Variants in L3MBTL3 observed in about 807,000 individuals in gnomAD.
L3MBTL3 encodes L3MBTL histone methyl-lysine binding protein 3, also known as lethal(3)malignant brain tumor-like protein 3.
A neutral mutation model predicts 102.3 loss-of-function variants in L3MBTL3; 27 were observed. The ratio of observed to expected loss-of-function variants is 0.26; its 90% confidence interval spans 0.19 to 0.36. The LOEUF (loss-of-function observed/expected upper bound fraction) is 0.36. Ranked by LOEUF, L3MBTL3 falls within the 10% of genes least tolerant of loss-of-function variation. L3MBTL3 has a pLI of 1.00. For missense variants in L3MBTL3, 798 were observed against 955.3 expected, an observed-to-expected ratio of 0.84 and a Z score of 2.17; for synonymous variants, 340 against 320.9, an observed-to-expected ratio of 1.06 and a Z score of -0.64.
intron 2 of L3MBTL3, among the ~76,000 whole-genome samples, chr6:130,035,635 G>T (rs548402728): frequency 6.6e-6 from 1 of 152,346 alleles, no homozygotes; most frequent in South Asian, 2.1e-4. Flanking sequence ...GACATCCACA[G>T]TGGGCAGTGG....
intron 9 of L3MBTL3, 78 bp downstream of exon 9, chr6:130,057,575 A>G (rs1346174128): frequency 4.0e-5 from 48 of 1,187,324 alleles, no homozygotes; most frequent in Non-Finnish European, 5.5e-5. Context: ...TGTTGTTTCC[A>G]CTGAAATTTG....
At position 130,094,367 on chromosome 6, in the gene L3MBTL3, G is replaced by A. The variant is rs1296161086; in HGVS notation, c.1736G>A (p.Ser579Asn). 6.2e-7 allele frequency: 1 copy of A among 1,610,392 alleles called. No individual in the cohort carries two copies. Among genetic ancestry groups the A allele is most frequent in the South Asian group, 1.1e-5 (1 of 90,850 alleles). ...FKRARHLGPH[S>N]AANCPYSEIN... ...AGAGCGAGACATCTGGGCCCTCACA[G>A]GTATGTGGTAGCTGTCACTCACTTG... Residue 579 changes from serine to asparagine, a missense_variant and splice_region_variant, in exon 18 of 23, where the codon AGT (serine) becomes AAT (asparagine). Transcript: ENST00000361794.
chr6:130,056,015 C>T (rs1055044575), intron 8 of L3MBTL3, among the ~76,000 whole-genome samples: 1 of 151,612 alleles, frequency 6.6e-6, no homozygotes, highest in Non-Finnish European at 1.5e-5. Flanking sequence ...GCAGCCTCCA[C>T]CTCCTGGGTT....
chr6:130,068,348 T>C lies in L3MBTL3; in HGVS notation c.1019T>C (p.Phe340Ser), dbSNP rs747088794. 2 of 1,595,212 alleles carry C rather than the reference T, an allele frequency of 1.3e-6. No individual in the cohort carries two copies. Among genetic ancestry groups the C allele is most frequent in the East Asian group, 2.2e-5 (1 of 44,636 alleles). ...HPPKGYKEEEFNWQTYLKTCK... is the reference protein window; with the variant it reads ...HPPKGYKEEESNWQTYLKTCK... ...ACTCTAGGGTATAAAGAAGAAGAAT[T>C]CAATTGGCAGACCTATCTTAAGACA... The change falls in exon 12 of 23, where the codon TTC becomes TCC. Residue 340 changes from phenylalanine (F) to serine (S), a missense_variant. This residue lies in a region of L3MBTL3 where 434 missense variants were observed against 506.6 expected (regional missense o/e 0.86). Transcript: ENST00000361794.
intron 2 of L3MBTL3, among the ~76,000 whole-genome samples, chr6:130,035,766 T>G (rs995825739): frequency 6.6e-6 from 1 of 152,108 alleles, no homozygotes. Context: ...TCTTATGACA[T>G]TAGTAGTGGC....
intron 11 of L3MBTL3, among the ~76,000 whole-genome samples, chr6:130,066,740 AAAT>A (rs1177658119): frequency 6.6e-6 from 1 of 152,224 alleles, no homozygotes; most frequent in Non-Finnish European, 1.5e-5. Context: ...CTTTGACTAC[AAAT>A]AATGTTTACC....
At chr6:130,058,065 C>T (rs903203662) in intron 9 of L3MBTL3, among the ~76,000 whole-genome samples, 1 of 147,670 alleles carries the variant, frequency 6.8e-6, no homozygotes, top group Non-Finnish European at 1.5e-5. Flanking sequence ...ATGGCGTGAA[C>T]CCAGGAAGTG....
At chr6:130,057,689 G>A (rs564536389) in intron 9 of L3MBTL3, among the ~76,000 whole-genome samples, 192 bp downstream of exon 9, 4 of 152,286 alleles carry the variant, frequency 2.6e-5, no homozygotes, top group Non-Finnish European at 5.9e-5. Context: ...CATGTGCCAT[G>A]TGTGGGTGCA....
In L3MBTL3 at chr6:130,035,618, G is replaced by A. The variant is rs192822026; in HGVS notation, c.-15-7067G>A. ...TGGTCTCGGTCTTCAGTAGTCATCAGCTCCTTGACATCCACAGTGGGCAGT... is the reference window on the plus strand; with the variant it reads ...TGGTCTCGGTCTTCAGTAGTCATCAACTCCTTGACATCCACAGTGGGCAGT... On this transcript the variant is annotated intron_variant, in intron 2 of 22. Transcript: ENST00000361794. Among the ~76,000 whole-genome samples the A allele has an allele frequency of 3.3e-5, 5 of 152,326 alleles. No individual in the cohort carries two copies. The East Asian group carries it at 9.6e-4, about 29-fold the overall frequency.
intron 7 of L3MBTL3, among the ~76,000 whole-genome samples, chr6:130,053,479 C>T (rs182573221): frequency 5.8e-4 from 88 of 151,914 alleles, no homozygotes; most frequent in African/African-American, 2.1e-3. Flanking sequence ...ACTAAAAATA[C>T]AAAAAATTAG....
intron 16 of L3MBTL3, among the ~76,000 whole-genome samples, chr6:130,088,595 A>G (rs554436940): frequency 1.3e-5 from 2 of 152,350 alleles, no homozygotes; most frequent in African/African-American, 4.8e-5. Flanking sequence ...GACATTGAAG[A>G]AAAATGGCCT....
intron 3 of L3MBTL3, among the ~76,000 whole-genome samples, chr6:130,043,800 G>A (rs929084673): frequency 6.6e-6 from 1 of 152,166 alleles, no homozygotes; most frequent in African/African-American, 2.4e-5. Context: ...GTGAGATTGG[G>A]ACAATCTGCC....
rs901241501 is a variant in L3MBTL3, at chr6:130,133,002, G to C, written c.1967-450G>C. ...GTTAAAAAACCAAACCAAGCCCTGA[G>C]ACAAAAGGAGAGAGAAAGTATGCCA... On this transcript the variant is annotated intron_variant, in intron 20 of 22. Coordinates refer to ENST00000361794, the MANE Select transcript of L3MBTL3 (RefSeq NM_032438.4). The surrounding 1 kb of genome is among the most constrained non-coding windows in gnomAD (Gnocchi z 4.9). Among the ~76,000 whole-genome samples, 9 of 151,936 alleles carry C rather than the reference G, an allele frequency of 5.9e-5. No homozygotes were observed. Among genetic ancestry groups the C allele is most frequent in the African/African-American group, 2.2e-4 (9 of 41,416 alleles).
chr6:130,092,793 G>C lies in L3MBTL3; in HGVS notation c.1567G>C (p.Asp523His). Residue 523 changes from aspartate to histidine, a missense_variant, in exon 17 of 23, where the codon GAT becomes CAT. Physicochemically the swap from Asp to His is moderately conservative, Grantham distance 81. Transcript: ENST00000361794. Reference protein sequence around the residue: ...NNCYDYWIDADSPDIHPVGWC... With the variant: ...NNCYDYWIDAHSPDIHPVGWC... ...TTGCTATGATTACTGGATAGATGCA[G>C]ATTCTCCTGATATTCACCCTGTAGG... 1 of 1,613,442 alleles carries C rather than the reference G, an allele frequency of 6.2e-7. No individual in the cohort carries two copies. The highest frequency in any genetic ancestry group is 8.5e-7 in the Non-Finnish European group (1 of 1,179,508).
chr6:130,047,910 T>G (rs982159523), intron 3 of L3MBTL3, among the ~76,000 whole-genome samples: 4 of 152,214 alleles, frequency 2.6e-5, no homozygotes, highest in Non-Finnish European at 5.9e-5. Flanking sequence ...CATTGACATT[T>G]TGGTATACAC....
At chr6:130,093,413 C>T (rs886433890) in intron 17 of L3MBTL3, among the ~76,000 whole-genome samples, 3 of 152,088 alleles carry the variant, frequency 2.0e-5, no homozygotes, top group Non-Finnish European at 4.4e-5. Context: ...GTAGGAAATA[C>T]AATAAATTAT....
chr6:130,035,819 G>A (rs929811491), intron 2 of L3MBTL3, among the ~76,000 whole-genome samples: 12 of 152,178 alleles, frequency 7.9e-5, no homozygotes, highest in African/African-American at 2.7e-4. Flanking sequence ...GGAAAAAGCC[G>A]AATCTTGTCT....
chr6:130,128,858 A>AG (rs1786804065), intron 20 of L3MBTL3, among the ~76,000 whole-genome samples: 1 of 152,148 alleles, frequency 6.6e-6, no homozygotes, highest in Non-Finnish European at 1.5e-5. Flanking sequence ...TAAGAATGGG[A>AG]GACATTCTTT....
chr6:130,085,821 A>G (rs1454022640), intron 15 of L3MBTL3, among the ~76,000 whole-genome samples: 2 of 152,012 alleles, frequency 1.3e-5, no homozygotes, highest in African/African-American at 4.8e-5. Context: ...CAGTGGCACA[A>G]TCTCACCTCA....
Sources: allele counts gnomAD v4.1 joint callset (sites outside exome capture counted in the v4.1 genomes callset), GRCh38; gene constraint gnomAD v4.1.1; regional missense constraint gnomAD v4.1.1; non-coding constraint Gnocchi (gnomAD v3.1); transcripts MANE v1.5; gene names NCBI Gene and HGNC (gene_info 2026-07-23, HGNC 2026-07-21).